Variants in PDE4D observed in about 807,000 individuals in gnomAD.
PDE4D encodes phosphodiesterase 4D, also known as 3',5'-cyclic-AMP phosphodiesterase 4D.
Under a neutral mutation model 87.4 loss-of-function variants are expected in PDE4D, and 24 were observed. The observed-to-expected ratio is 0.27, with a 90% confidence interval of 0.20 to 0.39. PDE4D has a LOEUF of 0.39. Ranked by LOEUF, PDE4D falls within the 10% of genes least tolerant of loss-of-function variation. The pLI, the probability that PDE4D is intolerant of heterozygous loss-of-function variation, is 1.00. For missense variants in PDE4D, 714 were observed against 1,041.0 expected, an observed-to-expected ratio of 0.69 and a Z score of 4.32; for synonymous variants, 384 against 383.2, an observed-to-expected ratio of 1.00 and a Z score of -0.02.
intron 1 of PDE4D, among the ~76,000 whole-genome samples, chr5:59,873,908 A>G (rs10063745): frequency 1.3e-5 from 2 of 152,184 alleles, no homozygotes; most frequent in Non-Finnish European, 1.5e-5. Context: ...TAATAATTGC[A>G]TATATAAGAA....
chr5:59,099,789 G>T (rs145756969), intron 5 of PDE4D, among the ~76,000 whole-genome samples: 84 of 152,250 alleles, frequency 5.5e-4, no homozygotes, highest in African/African-American at 1.9e-3. Context: ...TTAAGCCATT[G>T]CTCTTACCTC....
At chr5:59,897,525 A>G (rs1751784203), upstream of PDE4D, among the ~76,000 whole-genome samples, 1 of 151,996 alleles carries the variant, frequency 6.6e-6, no homozygotes, top group Non-Finnish European at 1.5e-5. Context: ...ATAGGTATAC[A>G]TGTACCATGT....
At chr5:59,433,069 C>T (rs1796340145) in intron 1 of PDE4D, among the ~76,000 whole-genome samples, 1 of 152,048 alleles carries the variant, frequency 6.6e-6, no homozygotes, top group African/African-American at 2.4e-5. Context: ...CATAAAGAGG[C>T]TCTTTGGACA....
chr5:60,324,969 C>T (rs750174579), intron 1 of PDE4D, among the ~76,000 whole-genome samples: 7 of 152,094 alleles, frequency 4.6e-5, no homozygotes, highest in Non-Finnish European at 7.4e-5. Flanking sequence ...GCTGGAAGAT[C>T]CTGTGCACAA....
intron 1 of PDE4D, among the ~76,000 whole-genome samples, chr5:59,316,204 A>G (rs553670298): frequency 6.6e-6 from 1 of 152,250 alleles, no homozygotes; most frequent in Non-Finnish European, 1.5e-5. Context: ...GCTTTGCAAT[A>G]ATAAAGGCAG....
intron 1 of PDE4D, among the ~76,000 whole-genome samples, chr5:59,709,735 G>A (rs1381225718): frequency 2.6e-5 from 4 of 152,154 alleles, no homozygotes; most frequent in Admixed American, 6.6e-5. Context: ...GGGAGTAGAC[G>A]ATTTGAAGGC....
chr5:59,605,407 C>T (rs561907224), intron 1 of PDE4D, among the ~76,000 whole-genome samples: 3 of 152,084 alleles, frequency 2.0e-5, no homozygotes, highest in African/African-American at 7.2e-5. Flanking sequence ...TAAAGAAAAT[C>T]AAAACATCCC....
chr5:59,957,577 T>C (rs1758978339), intron 3 of PDE4D, among the ~76,000 whole-genome samples: 1 of 152,068 alleles, frequency 6.6e-6, no homozygotes, highest in Non-Finnish European at 1.5e-5. Context: ...AAAAGGAATA[T>C]AACATGTATA....
chr5:59,358,909 T>A (rs920025342), intron 1 of PDE4D, among the ~76,000 whole-genome samples: 2 of 152,216 alleles, frequency 1.3e-5, no homozygotes, highest in African/African-American at 4.8e-5. Context: ...AGTTTATGTA[T>A]ACGACTTTGG....
chr5:59,871,115 C>T (rs1275253852), intron 1 of PDE4D, among the ~76,000 whole-genome samples: 1 of 152,084 alleles, frequency 6.6e-6, no homozygotes, highest in African/African-American at 2.4e-5. Flanking sequence ...TGGAATATGG[C>T]AAAGTTAAAG....
chr5:59,949,158 G>C (rs1758011568), intron 3 of PDE4D, among the ~76,000 whole-genome samples: 1 of 151,858 alleles, frequency 6.6e-6, no homozygotes, highest in Non-Finnish European at 1.5e-5. Context: ...TAGGCTGGGC[G>C]CGGTGGCTCA....
intron 1 of PDE4D, among the ~76,000 whole-genome samples, chr5:59,385,772 C>G (rs946410004): frequency 1.5e-4 from 23 of 152,222 alleles, no homozygotes; most frequent in Admixed American, 3.9e-4. Context: ...CTCCATTGAG[C>G]CTTTAACCCT....
intron 1 of PDE4D, among the ~76,000 whole-genome samples, chr5:59,379,860 G>T (rs1462479284): frequency 2.0e-5 from 3 of 152,040 alleles, no homozygotes; most frequent in African/African-American, 7.3e-5. Flanking sequence ...AGATTTAGGG[G>T]CTACATGTAC....
intron 2 of PDE4D, among the ~76,000 whole-genome samples, chr5:60,103,894 T>C (rs1193413074): frequency 1.3e-5 from 2 of 151,172 alleles, no homozygotes; most frequent in Non-Finnish European, 2.9e-5. Context: ...GATGGACAAA[T>C]AGGAACAGCT....
At chr5:59,239,838 G>A (rs1757285464) in intron 1 of PDE4D, among the ~76,000 whole-genome samples, 1 of 152,076 alleles carries the variant, frequency 6.6e-6, no homozygotes, top group Non-Finnish European at 1.5e-5. Context: ...TACCCTCTCT[G>A]AGCCTGCAAC....
chr5:59,192,904 G>A (rs973243211), intron 3 of PDE4D, among the ~76,000 whole-genome samples: 1 of 152,188 alleles, frequency 6.6e-6, no homozygotes, highest in African/African-American at 2.4e-5. Flanking sequence ...CTAACGTGCA[G>A]GTAGGGTTGA....
chr5:59,332,279 A>G (rs1776867731), intron 1 of PDE4D, among the ~76,000 whole-genome samples: 1 of 152,162 alleles, frequency 6.6e-6, no homozygotes, highest in Non-Finnish European at 1.5e-5. Context: ...TTTTTACTTT[A>G]AACAATTACA....
chr5:60,405,402 T>G (rs1741445762), intron 1 of PDE4D, among the ~76,000 whole-genome samples: 1 of 152,218 alleles, frequency 6.6e-6, no homozygotes. Flanking sequence ...TCTGGCATTT[T>G]GGAAGTTTGT....
At chr5:59,147,786 G>A (rs925190725) in intron 5 of PDE4D, among the ~76,000 whole-genome samples, 22 of 152,070 alleles carry the variant, frequency 1.4e-4, no homozygotes, top group African/African-American at 5.1e-4. Flanking sequence ...TCTTTTGCCA[G>A]AATTTCTGTT....
Sources: allele counts gnomAD v4.1 joint callset (sites outside exome capture counted in the v4.1 genomes callset), GRCh38; gene constraint gnomAD v4.1.1; transcripts MANE v1.5; gene names NCBI Gene and HGNC (gene_info 2026-07-23, HGNC 2026-07-21).